ZNF69: variants seen among roughly 807,000 people sequenced by gnomAD.
ZNF69 encodes ZNF3.
A neutral mutation model predicts 50.9 loss-of-function variants in ZNF69; 47 were observed. The ratio of observed to expected loss-of-function variants is 0.92; its 90% CI spans 0.73 to 1.18. The LOEUF (loss-of-function observed/expected upper bound fraction) is 1.18. ZNF69 is among the 50% of genes most tolerant of loss of function. The pLI, the probability that ZNF69 is intolerant of heterozygous loss-of-function variation, is 0.00. For missense variants in ZNF69, 717 were observed against 675.1 expected, an observed-to-expected ratio of 1.06 and a Z score of -0.69; for synonymous variants, 216 against 223.1, an observed-to-expected ratio of 0.97 and a Z score of 0.29.
the ZNF69 span, chr19:11,965,302 G>T: frequency 6.4e-7 from 1 of 1,569,910 alleles, no homozygotes; most frequent in Non-Finnish European, 8.7e-7. Flanking sequence ...GCCTCCCTGC[G>T]GGCGACTCCA....
At chr19:11,903,518 G>T in intron 1 of ZNF69, 55 bp from the exon 2 acceptor site, 1 of 1,607,580 alleles carries the variant, frequency 6.2e-7, no homozygotes, top group Non-Finnish European at 8.5e-7. Flanking sequence ...TAGAGTCTAG[G>T]CCCCCAGTGC....
the ZNF69 span, among the ~76,000 whole-genome samples, chr19:11,976,299 A>G: frequency 6.6e-5 from 10 of 151,828 alleles, no homozygotes; most frequent in Admixed American, 6.6e-4. Flanking sequence ...CAGTAGGGAC[A>G]GCCCAGGCAG....
At chr19:11,924,976 C>G in the ZNF69 span, 1 of 463,158 alleles carries the variant, frequency 2.2e-6, no homozygotes, top group African/African-American at 2.0e-5. Context: ...CAGTCTGGCT[C>G]TGCGGGGCCT....
chr19:11,910,543 C>G (rs1011046546), downstream of ZNF69, among the ~76,000 whole-genome samples: 63 of 152,156 alleles, frequency 4.1e-4, no homozygotes, highest in African/African-American at 1.4e-3. Flanking sequence ...TGATCTTTGA[C>G]AAACCTGATA....
At chr19:11,978,403 G>A in the ZNF69 span, 37 of 1,614,008 alleles carry the variant, frequency 2.3e-5, no homozygotes, top group Admixed American at 5.8e-4. Flanking sequence ...CCCTCCTTTA[G>A]AACACAAGAA....
intron 1 of ZNF69, among the ~76,000 whole-genome samples, chr19:11,898,679 A>G (rs1972180626): frequency 6.6e-6 from 1 of 151,752 alleles, no homozygotes; most frequent in South Asian, 2.1e-4. Context: ...GTGAGCCACC[A>G]CGCCCAGCAT....
downstream of ZNF69, among the ~76,000 whole-genome samples, chr19:11,919,053 G>A (rs1443959983): frequency 6.6e-6 from 1 of 151,800 alleles, no homozygotes; most frequent in African/African-American, 2.4e-5. Flanking sequence ...CCGCCACCAC[G>A]CCCGGCTAAT....
At chr19:11,940,686 C>T in the ZNF69 span, among the ~76,000 whole-genome samples, 1 of 152,122 alleles carries the variant, frequency 6.6e-6, no homozygotes, top group South Asian at 2.1e-4. Flanking sequence ...AGTGGGTTGC[C>T]ACTGCTGGCT....
rs774618080 is a variant in ZNF69 at position 11,905,734 on chromosome 19, G to A, written c.1337G>A (p.Cys446Tyr). 2 of 1,613,704 alleles carry A rather than the reference G, an allele frequency of 1.2e-6. No individual in the cohort carries two copies. The highest frequency in any genetic ancestry group is 2.2e-5 in the East Asian group (1 of 44,838). The change falls in exon 4 of 4, where the codon TGT becomes TAT. Residue 446 changes from cysteine to tyrosine, a missense_variant. By Grantham distance (194) the Cys-to-Tyr change is radical (BLOSUM62 -2). Transcript: ENST00000429654. ...RTHTGEKPYECQECGKAFRSM... is the reference protein window; with the variant it reads ...RTHTGEKPYEYQECGKAFRSM... Reference sequence around the variant, plus strand: ...CACACTGGAGAGAAGCCCTATGAATGTCAGGAATGTGGGAAAGCCTTCAGA... The same window carrying A: ...CACACTGGAGAGAAGCCCTATGAATATCAGGAATGTGGGAAAGCCTTCAGA...
In ZNF69 at chr19:11,894,578, G is replaced by A. The variant is rs563866320; in HGVS notation, c.63+6592G>A. ...AATGGGGTGACCTAATATTCCCACA[G>A]CTGCCATGTCTCTTGGAGGGTCTAG... On this transcript the variant is annotated intron_variant, in intron 1 of 3. Transcript: ENST00000429654. Among the ~76,000 whole-genome samples the A allele has an allele frequency of 2.6e-4, 40 of 152,254 alleles. 1 individual carries two copies. The South Asian group carries it at 7.7e-3, about 29-fold the overall frequency.
chr19:11,893,850 T>C (rs1977156036), intron 1 of ZNF69, among the ~76,000 whole-genome samples: 1 of 152,174 alleles, frequency 6.6e-6, no homozygotes, highest in African/African-American at 2.4e-5. Flanking sequence ...CCAATTTCCA[T>C]TAATTGGAGA....
chr19:11,901,962 G>A (rs1227469271), intron 1 of ZNF69, among the ~76,000 whole-genome samples: 3 of 150,922 alleles, frequency 2.0e-5, no homozygotes, highest in Non-Finnish European at 4.4e-5. Context: ...TGTAGTATAG[G>A]CCAAGATGTT....
At chr19:11,926,617 G>C in the ZNF69 span, 2 of 154,174 alleles carry the variant, frequency 1.3e-5, no homozygotes, top group Non-Finnish European at 2.9e-5. Flanking sequence ...TCGAACTCCT[G>C]ACCTCAAGTG....
downstream of ZNF69, among the ~76,000 whole-genome samples, chr19:11,910,528 C>A (rs1273107781): frequency 5.3e-5 from 8 of 152,162 alleles, no homozygotes; most frequent in Non-Finnish European, 1.2e-4. Flanking sequence ...ACATCTACAA[C>A]CATCTGATCT....
At chr19:11,968,585 G>A in the ZNF69 span, among the ~76,000 whole-genome samples, 1 of 152,106 alleles carries the variant, frequency 6.6e-6, no homozygotes, top group East Asian at 1.9e-4. Context: ...CCCAGAGCTT[G>A]TTTTCTTTTC....
chr19:11,893,361 A>G lies in ZNF69; in HGVS notation c.63+5375A>G, dbSNP rs531006186. Among the ~76,000 whole-genome samples, 4 of 152,134 alleles carry G rather than the reference A, an allele frequency of 2.6e-5. No homozygotes were observed. In the East Asian group the frequency reaches 7.7e-4, roughly 29 times the overall value. Reference sequence around the variant, plus strand: ...TCCAGGGAGACTGTTTTCCCCTGGCATTTTCCAAATATATGGGATGCCGGA... The same window carrying G: ...TCCAGGGAGACTGTTTTCCCCTGGCGTTTTCCAAATATATGGGATGCCGGA... On this transcript the variant is annotated intron_variant, in intron 1 of 3. Coordinates refer to ENST00000429654, the MANE Select transcript of ZNF69 (RefSeq NM_001364730.1).
chr19:11,957,949 C>A, the ZNF69 span, among the ~76,000 whole-genome samples: 2 of 152,088 alleles, frequency 1.3e-5, no homozygotes, highest in Admixed American at 1.3e-4. Context: ...GAAAACTGTT[C>A]ACCTAATGGT....
chr19:11,930,914 A>C, the ZNF69 span, among the ~76,000 whole-genome samples: 1 of 146,622 alleles, frequency 6.8e-6, no homozygotes, highest in African/African-American at 2.7e-5. Flanking sequence ...CAGGAGAATC[A>C]CTTGAACCTG....
chr19:11,925,035 T>C, the ZNF69 span: 10 of 606,636 alleles, frequency 1.6e-5, no homozygotes, highest in South Asian at 1.4e-4. Flanking sequence ...CGGGACCTAG[T>C]ATTTCATCCA....
Sources: gnomAD v4.1 joint callset for allele counts (sites outside exome capture counted in the v4.1 genomes callset) on GRCh38, gnomAD v4.1.1 for gene constraint, MANE v1.5 for transcripts, NCBI Gene and HGNC (gene_info 2026-07-23, HGNC 2026-07-21) for gene names.